TENM4: variants seen among roughly 807,000 people sequenced by gnomAD.
TENM4 encodes the protein teneurin-4.
A neutral mutation model predicts 243.3 loss-of-function variants in TENM4; 82 were observed. The ratio of observed to expected loss-of-function variants is 0.34; its 90% CI spans 0.28 to 0.40. The LOEUF is 0.40. Among genes scored for constraint, TENM4 ranks in the 10% least tolerant of loss-of-function variants. The pLI, the probability that TENM4 is intolerant of heterozygous loss-of-function variation, is 1.00. For missense variants in TENM4, 3,138 were observed against 3,673.3 expected (o/e 0.85, Z 3.77); for synonymous variants, 1,412 against 1,456.3 (o/e 0.97, Z 0.69).
chr11:79,243,430 C>T (rs1001940808), intron 2 of TENM4, among the ~76,000 whole-genome samples: 6 of 152,168 alleles, frequency 3.9e-5, no homozygotes, highest in Non-Finnish European at 2.9e-5. Flanking sequence ...GTGCCCCAAT[C>T]AGAGGGCAAT....
chr11:78,723,700 C>T lies in TENM4; in HGVS notation c.3551-783G>A, dbSNP rs543105687. On this transcript the variant is annotated intron_variant, in intron 23 of 33. Transcript: ENST00000278550. ...CTGGATCTTCCTTTTTCCTCATGCA[C>T]ACTTCACAGCCTCCAAACTGGATCC... Among the ~76,000 whole-genome samples the T allele has an allele frequency of 4.4e-3, 677 of 152,354 alleles. 4 individuals are homozygous for T. Among genetic ancestry groups the T allele is most frequent in the Non-Finnish European group, 4.8e-3 (328 of 68,036 alleles).
At position 78,932,374 on chromosome 11, in the gene TENM4, T is replaced by A. The variant is rs185285467; in HGVS notation, c.494-28851A>T. On this transcript the variant is annotated intron_variant, in intron 6 of 33. Transcript: ENST00000278550. ...GACAGCAGATACAGGTCACTCAGTC[T>A]GATGATGCTGTGGCCTCCGATTTGC... 1.5e-3 allele frequency among the ~76,000 whole-genome samples: 223 copies of A among 152,292 alleles called. 1 individual carries two copies. Among genetic ancestry groups the A allele is most frequent in the Non-Finnish European group, 2.6e-3 (174 of 68,012 alleles).
intron 26 of TENM4, among the ~76,000 whole-genome samples, chr11:78,710,492 C>G (rs753695365): frequency 6.6e-6 from 1 of 152,202 alleles, no homozygotes; most frequent in Non-Finnish European, 1.5e-5. Flanking sequence ...GGCTGGGAAG[C>G]CTTTCTCATG....
Position 79,440,592 on chromosome 11 carries a change from C to G in TENM4, c.-404G>C, listed in dbSNP as rs1456640437. Reference sequence around the variant, plus strand: ...CGCCGCGCCGGTGGCTCCTCTCTCTCTCGGCGGCGCGGCTCCTCTGCTCCG... The same window carrying G: ...CGCCGCGCCGGTGGCTCCTCTCTCTGTCGGCGGCGCGGCTCCTCTGCTCCG... On this transcript the variant is annotated 5_prime_UTR_variant, in exon 1 of 34. Transcript: ENST00000278550. This position sits in a 1 kb window ranked among gnomAD's most constrained non-coding sequence, Gnocchi z 4.7. 6.6e-6 allele frequency: 1 copy of G among 152,150 alleles called. No homozygotes were observed. The highest frequency in any genetic ancestry group is 1.5e-5 in the Non-Finnish European group (1 of 68,064). 9.4% of individuals were successfully genotyped at this position (152,150 alleles called of 1,614,324 possible).
chr11:79,023,898 G>C (rs1859001919), intron 6 of TENM4, among the ~76,000 whole-genome samples: 1 of 152,120 alleles, frequency 6.6e-6, no homozygotes, highest in Non-Finnish European at 1.5e-5. Flanking sequence ...TCATTCTTTG[G>C]CATTTACTAA....
chr11:79,344,111 C>T (rs1857287565), intron 1 of TENM4, among the ~76,000 whole-genome samples: 1 of 152,166 alleles, frequency 6.6e-6, no homozygotes, highest in Non-Finnish European at 1.5e-5. Flanking sequence ...ACTCCCAGAC[C>T]TAGGTGGGAC....
chr11:79,152,063 C>T (rs532628185), intron 3 of TENM4, among the ~76,000 whole-genome samples: 8 of 152,200 alleles, frequency 5.3e-5, no homozygotes, highest in South Asian at 2.1e-4. Flanking sequence ...GCAAAGAGTA[C>T]GTGCTAAATA....
chr11:79,188,762 G>A (rs1024988354), intron 3 of TENM4, among the ~76,000 whole-genome samples: 1 of 152,120 alleles, frequency 6.6e-6, no homozygotes, highest in Non-Finnish European at 1.5e-5. Flanking sequence ...GCTGGGGTCT[G>A]TCCACACTTG....
chr11:79,215,304 C>T (rs79030465), intron 3 of TENM4, among the ~76,000 whole-genome samples: 194 of 152,328 alleles, frequency 1.3e-3, no homozygotes, highest in African/African-American at 3.8e-3. Context: ...GGCACTAGAC[C>T]TGGCCTCCAG....
intron 2 of TENM4, among the ~76,000 whole-genome samples, chr11:79,224,859 G>A (rs754940681): frequency 2.0e-5 from 3 of 151,866 alleles, no homozygotes; most frequent in Non-Finnish European, 2.9e-5. Context: ...GCTGAGACAG[G>A]AGAATCACTT....
rs573562027 is a variant in TENM4, at chr11:78,960,138, G to A, written c.494-56615C>T. ...AGCCACAAAGCTGGGTCTGGAACCA[G>A]GTCTCCTTGCTCCCAGCCCAGGGTT... On this transcript the variant is annotated intron_variant, in intron 6 of 33. Transcript: ENST00000278550. Among the ~76,000 whole-genome samples the A allele has an allele frequency of 6.6e-5, 10 of 152,190 alleles. No homozygotes were observed. In the South Asian group the frequency reaches 2.1e-3, roughly 32 times the overall value.
At chr11:79,350,987 C>G (rs1357755408) in intron 1 of TENM4, among the ~76,000 whole-genome samples, 1 of 152,056 alleles carries the variant, frequency 6.6e-6, no homozygotes, top group Non-Finnish European at 1.5e-5. Flanking sequence ...CACTGCCTTC[C>G]TACTCGCCTC....
intron 1 of TENM4, among the ~76,000 whole-genome samples, chr11:79,376,789 A>G (rs1857901150): frequency 6.6e-6 from 1 of 151,954 alleles, no homozygotes; most frequent in African/African-American, 2.4e-5. Context: ...AGTGGCTCAC[A>G]CTCAGCCCCT....
chr11:78,903,145 C>G, intron 7 of TENM4, 123 bp downstream of exon 7: 1 of 1,346,010 alleles, frequency 7.4e-7, no homozygotes, highest in Non-Finnish European at 9.6e-7. Flanking sequence ...AACCGTGCAC[C>G]CAACCCCAGC....
At chr11:79,377,747 T>C (rs1857920404) in intron 1 of TENM4, among the ~76,000 whole-genome samples, 1 of 152,210 alleles carries the variant, frequency 6.6e-6, no homozygotes, top group Admixed American at 6.5e-5. Context: ...AGAGGGAAGC[T>C]GGATGGGTTA....
At chr11:78,866,058 G>A (rs745666605) in intron 9 of TENM4, among the ~76,000 whole-genome samples, 22 of 152,320 alleles carry the variant, frequency 1.4e-4, no homozygotes, top group South Asian at 4.1e-4. Context: ...CCAGGTACCA[G>A]GTGAGGTGCT....
chr11:78,964,210 T>C (rs569458312), intron 6 of TENM4, among the ~76,000 whole-genome samples: 1 of 151,794 alleles, frequency 6.6e-6, no homozygotes, highest in Non-Finnish European at 1.5e-5. Context: ...ACCCAGCTAA[T>C]TTTTGTATTT....
At chr11:79,326,218 A>G (rs1278714368) in intron 1 of TENM4, among the ~76,000 whole-genome samples, 1 of 152,218 alleles carries the variant, frequency 6.6e-6, no homozygotes, top group East Asian at 1.9e-4. Flanking sequence ...ACAAGCTTCT[A>G]GACAGTCGTG....
At chr11:78,876,690 G>GA (rs1348402877) in intron 9 of TENM4, among the ~76,000 whole-genome samples, 23 of 152,202 alleles carry the variant, frequency 1.5e-4, no homozygotes, top group African/African-American at 5.1e-4. Context: ...GGCTGTCCAA[G>GA]AAAGTATGGA....
Sources: allele counts gnomAD v4.1 joint callset (sites outside exome capture counted in the v4.1 genomes callset), GRCh38; gene constraint gnomAD v4.1.1; non-coding constraint Gnocchi (gnomAD v3.1); transcripts MANE v1.5; gene names NCBI Gene and HGNC (gene_info 2026-07-23, HGNC 2026-07-21).